Variants in P2RX6 observed in about 807,000 individuals in gnomAD.
P2RX6 encodes purinergic receptor P2X 6, also known as P2X purinoceptor 6.
P2RX6 carries 62 observed loss-of-function variants against 54.2 expected under a neutral mutation model. The ratio of observed to expected loss-of-function variants is 1.14; its 90% CI spans 0.93 to 1.41. The LOEUF (loss-of-function observed/expected upper bound fraction) is 1.41, where lower values mean the gene tolerates loss of function less well. P2RX6 is among the 40% of genes most tolerant of loss of function. The probability of loss-of-function intolerance (pLI) is 0.00; values close to 1 mark genes in which losing one functional copy is unlikely to be tolerated. For synonymous variants in P2RX6, 211 were observed against 231.9 expected (o/e 0.91, Z 0.82); for missense variants, 541 against 566.3 (o/e 0.96, Z 0.45).
In P2RX6 at chr22:21,025,811, C is replaced by A; in HGVS notation, c.897C>A (p.Ala299=). The A allele has an allele frequency of 1.3e-6, 2 of 1,557,848 alleles. No individual in the cohort carries two copies. Among genetic ancestry groups the A allele is most frequent in the Non-Finnish European group, 1.7e-6 (2 of 1,150,946 alleles). The change falls in exon 9 of 12, where the codon GCC becomes GCA. Residue 299 remains alanine (A), a synonymous_variant. Transcript: ENST00000413302. ...LQEKSYNFRT[A]THWWEQPGVE... ...CCTTCTTTCCTGCCCACAGGACAGC[C>A]ACTCACTGGTGGGAGCAACCGGGTG... is the stretch of plus-strand genomic sequence containing the variant.
upstream of P2RX6, among the ~76,000 whole-genome samples, chr22:21,010,617 C>G (rs1238351064): frequency 6.6e-6 from 1 of 152,160 alleles, no homozygotes; most frequent in Non-Finnish European, 1.5e-5. Context: ...GCATGCCTCA[C>G]CCAGGGTCAC....
chr22:21,023,733 G>T (rs1258166093), intron 8 of P2RX6, 115 bp downstream of exon 8: 11 of 725,492 alleles, frequency 1.5e-5, no homozygotes, highest in Non-Finnish European at 2.4e-5. Context: ...ACGTGTGCAA[G>T]GGGGTCCCAG....
Position 21,026,511 on chromosome 22 carries a change from C to T in P2RX6, c.1220C>T (p.Ser407Leu). Residue 407 changes from serine (S) to leucine (L), a missense_variant, in exon 12 of 12, where the codon TCA becomes TTA. Coordinates refer to ENST00000413302, the MANE Select transcript of P2RX6 (RefSeq NM_005446.5). This position sits in a 1 kb window ranked among gnomAD's most constrained non-coding sequence, Gnocchi z 4.0. The stretch of plus-strand genomic sequence containing the variant: ...CTGGCCGAGTGCCTCAGACGGAGCT[C>T]AGCACCTGCACCCACGGCCACTGCT... ...ARLAECLRRS[S>L]APAPTATAAG... 2 of 1,594,234 alleles carry T rather than the reference C, an allele frequency of 1.3e-6. No individual in the cohort carries two copies. Among genetic ancestry groups the T allele is most frequent in the Non-Finnish European group, 8.5e-7 (1 of 1,171,154 alleles).
rs1928572712 is a variant in P2RX6 at position 21,027,006 on chromosome 22, G to A, written c.*389G>A. On this transcript the variant is annotated 3_prime_UTR_variant, in exon 12 of 12. Coordinates refer to ENST00000413302, the MANE Select transcript of P2RX6 (RefSeq NM_005446.5). The stretch of plus-strand genomic sequence containing the variant: ...AGACCCTCCTGCTGCCTGGGTCCTG[G>A]CCCTCCTCCCCCATCTGCACCCCCA... 9.0e-6 allele frequency: 2 copies of A among 221,860 alleles called. No individual in the cohort carries two copies. The highest frequency in any genetic ancestry group is 5.1e-5 in the Admixed American group (1 of 19,434). The allele number at this position is 221,860 out of a possible 1,614,324, so 13.7% of individuals were successfully genotyped here. A position where few individuals can be genotyped will look rare whatever the true frequency, so the allele number is the denominator to read the frequency against.
intron 3 of P2RX6, chr22:21,018,567 A>T: frequency 5.9e-6 from 1 of 170,738 alleles, no homozygotes; most frequent in East Asian, 1.5e-4. Context: ...AACACAGCAC[A>T]CTCTTGCTCA....
chr22:21,024,099 G>A (rs1927969488), intron 8 of P2RX6, among the ~76,000 whole-genome samples: 1 of 149,332 alleles, frequency 6.7e-6, no homozygotes, highest in Non-Finnish European at 1.5e-5. Flanking sequence ...GGAATTACAG[G>A]TGCTCGCCAC....
At chr22:21,014,730 C>T (rs980065116), upstream of P2RX6, among the ~76,000 whole-genome samples, 3 of 152,196 alleles carry the variant, frequency 2.0e-5, no homozygotes, top group Non-Finnish European at 2.9e-5. Context: ...ACGCTGCTCC[C>T]TGCACCAGGA....
chr22:21,016,218 G>T lies in P2RX6; in HGVS notation c.315+126G>T, dbSNP rs868534599. 7 of 1,016,390 alleles carry T rather than the reference G, an allele frequency of 6.9e-6. No individual in the cohort carries two copies. The African/African-American group carries it at 8.1e-5, about 12-fold the overall frequency. The allele number at this position is 1,016,390 out of a possible 1,614,324, so 63.0% of individuals were successfully genotyped here. ...TGCCAGAGACGGCTGCGGGTTCTCA[G>T]GAAGGGCTTCACAGAGGAGTGGCAC... is the stretch of plus-strand genomic sequence containing the variant. On this transcript the variant is annotated intron_variant, in intron 2 of 11. Transcript: ENST00000413302.
chr22:21,021,163 A>G (rs997629632), intron 3 of P2RX6, among the ~76,000 whole-genome samples: 5 of 148,156 alleles, frequency 3.4e-5, no homozygotes, highest in African/African-American at 1.3e-4. Flanking sequence ...TTCCTGTAGC[A>G]ATGAGGTCTT....
At position 21,023,536 on chromosome 22, in the gene P2RX6, T is replaced by C. The variant is rs146938001; in HGVS notation, c.808T>C (p.Trp270Arg). ...TGGCTCTGTAGGCATCAGAGTTCAC[T>C]GGGATTGTGACCTGGACACCGGGGA... The part of the protein sequence containing the change: ...LGGSVGIRVH[W>R]DCDLDTGDSG... Residue 270 changes from tryptophan (W) to arginine (R), a missense_variant, in exon 8 of 12, where the codon TGG (tryptophan) becomes CGG (arginine). This residue lies in a region of P2RX6 where 526 missense variants were observed against 531.5 expected (regional missense o/e 0.99). Transcript: ENST00000413302. 11 of 1,613,712 alleles carry C rather than the reference T, an allele frequency of 6.8e-6. No homozygotes were observed. The African/African-American group carries it at 1.3e-4, about 20-fold the overall frequency.
chr22:21,010,549 T>C (rs1925680489), upstream of P2RX6, among the ~76,000 whole-genome samples: 8 of 152,228 alleles, frequency 5.3e-5, no homozygotes, highest in South Asian at 1.7e-3. Context: ...TCCATTAAAA[T>C]GCAGATTCAC....
chr22:21,016,262 G>A (rs1487159185), intron 2 of P2RX6, among the ~76,000 whole-genome samples, 170 bp downstream of exon 2: 1 of 152,194 alleles, frequency 6.6e-6, no homozygotes, highest in African/African-American at 2.4e-5. Flanking sequence ...GACTTTCAGG[G>A]ATGTGTAGGA....
At chr22:21,022,173 G>C (rs890447592) in intron 3 of P2RX6, among the ~76,000 whole-genome samples, 1 of 152,006 alleles carries the variant, frequency 6.6e-6, no homozygotes, top group Non-Finnish European at 1.5e-5. Flanking sequence ...TTAAAAACCA[G>C]CCTGGTCAAC....
chr22:21,023,014 T>A lies in P2RX6; in HGVS notation c.536T>A (p.Val179Glu), dbSNP rs1357450190. 2 of 1,613,316 alleles carry A rather than the reference T, an allele frequency of 1.2e-6. No individual in the cohort carries two copies. Among genetic ancestry groups the A allele is most frequent in the Non-Finnish European group, 1.7e-6 (2 of 1,179,498 alleles). Residue 179 changes from valine to glutamate, a missense_variant, in exon 5 of 12, where the codon GTG becomes GAG. Val to Glu is a moderately radical substitution (Grantham distance 121). This residue lies in a region of P2RX6 where 526 missense variants were observed against 531.5 expected (regional missense o/e 0.99). Transcript: ENST00000413302. ...TGTGAGATCTGGAGTTGGTGCCCCG[T>A]GGAGAGTGGCGTTGTGCCCTCGTAA... The part of the protein sequence containing the change: ...RTCEIWSWCP[V>E]ESGVVPSRPL...
At chr22:21,018,114 G>C in intron 3 of P2RX6, 54 bp downstream of exon 3, 1 of 1,259,718 alleles carries the variant, frequency 7.9e-7, no homozygotes, top group South Asian at 1.2e-5. Flanking sequence ...ATCAGCCCCA[G>C]GGGGCCACCC....
At position 21,026,227 on chromosome 22, in the gene P2RX6, C is replaced by T; in HGVS notation, c.1051-25C>T. 6.4e-7 allele frequency: 1 copy of T among 1,572,492 alleles called. No individual in the cohort carries two copies. ...AGGAGAGCAGGCTCGGGGGCTGGAA[C>T]ATGGGTTGGCCCTGCCTCTCCCAGG... On this transcript the variant is annotated intron_variant, in intron 10 of 11. Coordinates refer to ENST00000413302, the MANE Select transcript of P2RX6 (RefSeq NM_005446.5). The surrounding 1 kb of genome is among the most constrained non-coding windows in gnomAD (Gnocchi z 4.0).
chr22:21,012,395 G>A (rs1476608873), upstream of P2RX6: 3 of 342,732 alleles, frequency 8.8e-6, no homozygotes, highest in Admixed American at 3.9e-5. Context: ...CTCCTGTGAT[G>A]AGGCCCCTCC....
chr22:21,024,567 C>T (rs1438413254), intron 8 of P2RX6, among the ~76,000 whole-genome samples: 3 of 151,022 alleles, frequency 2.0e-5, no homozygotes, highest in Non-Finnish European at 3.0e-5. Flanking sequence ...TGAGCCACCA[C>T]GCCCGACCTT....
In P2RX6 at chr22:21,026,282, T is replaced by C. The variant is rs758941587; in HGVS notation, c.1081T>C (p.Tyr361His). ...CTTTTTCTGTGACCTGCTACTGCTGTATGTGGATAGAGAAGCCCATTTCTA... is the reference window on the plus strand; with the variant it reads ...CTTTTTCTGTGACCTGCTACTGCTGCATGTGGATAGAGAAGCCCATTTCTA... ...VTFFCDLLLL[Y>H]VDREAHFYWR... is the part of the protein sequence containing the mutation. Residue 361 changes from tyrosine (Y) to histidine (H), a missense_variant, in exon 11 of 12, where the codon TAT becomes CAT. Transcript: ENST00000413302. This position sits in a 1 kb window ranked among gnomAD's most constrained non-coding sequence, Gnocchi z 4.0. 2 of 1,606,360 alleles carry C rather than the reference T, an allele frequency of 1.2e-6. No individual in the cohort carries two copies. Among genetic ancestry groups the C allele is most frequent in the East Asian group, 2.2e-5 (1 of 44,702 alleles).
Sources: allele counts gnomAD v4.1 joint callset (sites outside exome capture counted in the v4.1 genomes callset), GRCh38; gene constraint gnomAD v4.1.1; regional missense constraint gnomAD v4.1.1; non-coding constraint Gnocchi (gnomAD v3.1); transcripts MANE v1.5; gene names NCBI Gene and HGNC (gene_info 2026-07-23, HGNC 2026-07-21).